EPB41L4A: variants seen among roughly 807,000 people sequenced by gnomAD.
The protein encoded by EPB41L4A is erythrocyte membrane protein band 4.1 like 4A, also known as band 4.1-like protein 4A.
Under a neutral mutation model 108.6 loss-of-function variants are expected in EPB41L4A, and 100 were observed. That is an observed-to-expected ratio of 0.92 (90% confidence interval 0.78 to 1.09). The LOEUF is 1.09. EPB41L4A is among the 50% of genes least tolerant of loss of function. The pLI, the probability that EPB41L4A is intolerant of heterozygous loss-of-function variation, is 0.00. For missense variants in EPB41L4A, 1,030 were observed against 842.7 expected (o/e 1.22, Z -2.75); for synonymous variants, 319 against 289.0 (o/e 1.10, Z -1.05).
chr5:112,275,959 C>T (rs1752606383), intron 3 of EPB41L4A, among the ~76,000 whole-genome samples: 2 of 152,124 alleles, frequency 1.3e-5, no homozygotes, highest in South Asian at 4.2e-4. Context: ...AAATATCATA[C>T]CTTTTGTGAA....
At chr5:112,322,506 G>C (rs1755847856) in intron 1 of EPB41L4A, among the ~76,000 whole-genome samples, 1 of 152,110 alleles carries the variant, frequency 6.6e-6, no homozygotes, top group African/African-American at 2.4e-5. Flanking sequence ...AAGTGCCCTA[G>C]CCAGAAATCT....
At chr5:112,266,445 C>A (rs1391328415) in intron 4 of EPB41L4A, 115 bp from the exon 5 acceptor site, 8 of 677,538 alleles carry the variant, frequency 1.2e-5, no homozygotes, top group African/African-American at 1.9e-5. Flanking sequence ...ATAAAGTCAC[C>A]CCCCATTCTT....
At chr5:112,221,229 C>T (rs1043790999) in intron 12 of EPB41L4A, among the ~76,000 whole-genome samples, 1 of 152,166 alleles carries the variant, frequency 6.6e-6, no homozygotes. Flanking sequence ...GCAATAGCAT[C>T]ATGGACTGCC....
chr5:112,189,189 G>A (rs561304103), intron 17 of EPB41L4A, among the ~76,000 whole-genome samples: 1 of 152,342 alleles, frequency 6.6e-6, no homozygotes, highest in Admixed American at 6.5e-5. Flanking sequence ...GTTCAAGGGA[G>A]CTGGTCCCCA....
At chr5:112,167,633 G>C (rs926277092) in intron 22 of EPB41L4A, among the ~76,000 whole-genome samples, 21 of 152,168 alleles carry the variant, frequency 1.4e-4, no homozygotes, top group African/African-American at 5.1e-4. Flanking sequence ...TTGTCCCAAA[G>C]TAGAATGAAT....
intron 1 of EPB41L4A, among the ~76,000 whole-genome samples, chr5:112,339,512 A>ATATC (rs1561585417): frequency 1.0e-3 from 48 of 45,988 alleles, no homozygotes; most frequent in Middle Eastern, 0.018. Context: ...ATATATATAG[A>ATATC]TATATAGATA....
At chr5:112,167,643 T>C (rs970636431) in intron 22 of EPB41L4A, among the ~76,000 whole-genome samples, 1 of 152,200 alleles carries the variant, frequency 6.6e-6, no homozygotes, top group Admixed American at 6.5e-5. Context: ...GTAGAATGAA[T>C]TTGAAGAGCC....
rs986049790 is a variant in EPB41L4A at position 112,164,245 on chromosome 5, T to A, written c.*745A>T. The A allele has an allele frequency of 7.2e-5, 11 of 152,252 alleles. No individual in the cohort carries two copies. Among genetic ancestry groups the A allele is most frequent in the Admixed American group, 5.2e-4 (8 of 15,286 alleles). The allele number at this position is 152,252 out of a possible 1,614,324, so 9.4% of individuals were successfully genotyped here. On this transcript the variant is annotated 3_prime_UTR_variant, in exon 23 of 23. Coordinates refer to ENST00000261486, the MANE Select transcript of EPB41L4A (RefSeq NM_022140.5). Reference sequence around the variant, plus strand: ...CACAAAATAAAGTATTATAAAGAACTTTATATGAATAAAAATATATGCAGT... The same window carrying A: ...CACAAAATAAAGTATTATAAAGAACATTATATGAATAAAAATATATGCAGT...
chr5:112,353,154 C>T (rs1561598718), intron 1 of EPB41L4A, among the ~76,000 whole-genome samples: 1 of 152,156 alleles, frequency 6.6e-6, no homozygotes, highest in Non-Finnish European at 1.5e-5. Flanking sequence ...TATGGTAAGG[C>T]CTTGCTGGGG....
intron 4 of EPB41L4A, among the ~76,000 whole-genome samples, chr5:112,268,608 G>C (rs932789168): frequency 6.6e-6 from 1 of 152,038 alleles, no homozygotes; most frequent in Non-Finnish European, 1.5e-5. Context: ...CCAGTATTTT[G>C]GGAGGCTGTG....
chr5:112,317,290 G>A (rs543715450), intron 1 of EPB41L4A, among the ~76,000 whole-genome samples: 8 of 152,218 alleles, frequency 5.3e-5, no homozygotes, highest in Non-Finnish European at 1.0e-4. Context: ...TATATAAAAA[G>A]AACTATGCTA....
At position 112,264,974 on chromosome 5, in the gene EPB41L4A, T is replaced by C; in HGVS notation, c.476A>G (p.Tyr159Cys). 1.9e-6 allele frequency: 3 copies of C among 1,611,410 alleles called. No individual in the cohort carries two copies. The highest frequency in any genetic ancestry group is 1.7e-6 in the Non-Finnish European group (2 of 1,178,862). The change falls in exon 6 of 23, where the codon TAT becomes TGT. Residue 159 changes from tyrosine to cysteine, a missense_variant. By Grantham distance (194) the Tyr-to-Cys change is radical. Coordinates refer to ENST00000261486, the MANE Select transcript of EPB41L4A (RefSeq NM_022140.5). ...DYDPYKHTAG[Y>C]VSEYRFVPDQ... The stretch of plus-strand genomic sequence containing the variant: ...AGGAACAAACCGGTACTCAGATACA[T>C]ATCCTGCAGTATGTTTATATGGGTC...
At chr5:112,181,184 G>A (rs1761129240) in intron 18 of EPB41L4A, among the ~76,000 whole-genome samples, 1 of 152,176 alleles carries the variant, frequency 6.6e-6, no homozygotes, top group Non-Finnish European at 1.5e-5. Context: ...GGGCGTGGTG[G>A]CTCATGCCTG....
chr5:112,270,705 G>A (rs1752205738), intron 4 of EPB41L4A, among the ~76,000 whole-genome samples: 1 of 152,166 alleles, frequency 6.6e-6, no homozygotes, highest in Admixed American at 6.5e-5. Context: ...GGAGGAGACA[G>A]GGACTCAGGA....
At chr5:112,286,880 AG>A (rs1271158345) in intron 2 of EPB41L4A, among the ~76,000 whole-genome samples, 1 of 150,570 alleles carries the variant, frequency 6.6e-6, no homozygotes, top group African/African-American at 2.4e-5. Context: ...AAAAAAAAAA[AG>A]TTGTTCTACA....
intron 1 of EPB41L4A, among the ~76,000 whole-genome samples, chr5:112,309,208 AC>A (rs1435559759): frequency 3.9e-5 from 6 of 152,204 alleles, no homozygotes; most frequent in Non-Finnish European, 5.9e-5. Flanking sequence ...ATTTGAAACA[AC>A]TTTATCATCT....
At chr5:112,394,302 G>C (rs1488324621) in intron 1 of EPB41L4A, among the ~76,000 whole-genome samples, 3 of 152,086 alleles carry the variant, frequency 2.0e-5, no homozygotes, top group Admixed American at 1.3e-4. Flanking sequence ...GTCAAATTGT[G>C]CCAGTTTGCA....
At chr5:112,302,666 G>A (rs1477980843) in intron 2 of EPB41L4A, among the ~76,000 whole-genome samples, 1 of 152,178 alleles carries the variant, frequency 6.6e-6, no homozygotes, top group Non-Finnish European at 1.5e-5. Context: ...GTAGACTGTG[G>A]TTTGAACCCA....
At position 112,353,845 on chromosome 5, in the gene EPB41L4A, G is replaced by A. The variant is rs1758206091; in HGVS notation, c.100-46355C>T. On this transcript the variant is annotated intron_variant, in intron 1 of 22. Transcript: ENST00000261486. ...CACACACATGCCTAGGACAACAGATGGGACAAGGCAATCCCGAGGCCCCTG... is the reference window on the plus strand; with the variant it reads ...CACACACATGCCTAGGACAACAGATAGGACAAGGCAATCCCGAGGCCCCTG... Among the ~76,000 whole-genome samples, 8 of 152,226 alleles carry A rather than the reference G, an allele frequency of 5.3e-5. No homozygotes were observed. In the South Asian group the frequency reaches 1.7e-3, roughly 32 times the overall value.
Sources: gnomAD v4.1 joint callset for allele counts (sites outside exome capture counted in the v4.1 genomes callset) on GRCh38, gnomAD v4.1.1 for gene constraint, MANE v1.5 for transcripts, NCBI Gene and HGNC (gene_info 2026-07-23, HGNC 2026-07-21) for gene names.